The following CDH18 variants were observed in gnomAD, a reference collection of about 807,000 sequenced individuals.
The protein encoded by CDH18 is cadherin-18.
CDH18 carries 31 observed loss-of-function variants against 67.9 expected under a neutral mutation model. The ratio of observed to expected loss-of-function variants is 0.46; its 90% CI spans 0.34 to 0.62. CDH18 has a LOEUF of 0.62. CDH18 is among the 20% of genes least tolerant of loss of function. The pLI, the probability that CDH18 is intolerant of heterozygous loss-of-function variation, is 0.01. For missense variants in CDH18, 890 were observed against 975.5 expected (o/e 0.91, Z 1.17); for synonymous variants, 362 against 347.2 (o/e 1.04, Z -0.48).
At chr5:20,144,066 T>C (rs1294229596) in intron 2 of CDH18, among the ~76,000 whole-genome samples, 1 of 152,078 alleles carries the variant, frequency 6.6e-6, no homozygotes, top group Admixed American at 6.6e-5. Flanking sequence ...CCTGGACTGA[T>C]AAAGACATAG....
At chr5:20,407,723 T>A (rs1166371449) in intron 1 of CDH18, among the ~76,000 whole-genome samples, 2 of 37,488 alleles carry the variant, frequency 5.3e-5, no homozygotes, top group African/African-American at 1.4e-4. Flanking sequence ...AAAAAAATAA[T>A]TTTTTTTTTT....
At chr5:19,553,818 G>C (rs1422247736) in intron 8 of CDH18, among the ~76,000 whole-genome samples, 1 of 151,724 alleles carries the variant, frequency 6.6e-6, no homozygotes, top group Non-Finnish European at 1.5e-5. Flanking sequence ...TTTGCTTGTA[G>C]AGACAGTGTT....
intron 11 of CDH18, among the ~76,000 whole-genome samples, chr5:19,489,456 CCAGG>C (rs1740993413): frequency 6.6e-6 from 1 of 151,886 alleles, no homozygotes; most frequent in Non-Finnish European, 1.5e-5. Flanking sequence ...ACCATGTTGG[CCAGG>C]CTGGTCTCAA....
intron 5 of CDH18, among the ~76,000 whole-genome samples, chr5:19,642,527 T>C (rs1460640846): frequency 1.3e-5 from 2 of 152,048 alleles, no homozygotes; most frequent in Middle Eastern, 6.3e-3. Flanking sequence ...AATTCAGTGA[T>C]CTACGGCTAT....
At chr5:19,812,646 G>GA (rs1778856267) in intron 3 of CDH18, among the ~76,000 whole-genome samples, 1 of 150,270 alleles carries the variant, frequency 6.7e-6, no homozygotes, top group Non-Finnish European at 1.5e-5. Context: ...TTGTTAAGCA[G>GA]AAAAAACAAA....
At chr5:20,066,001 A>G (rs1165901664) in intron 2 of CDH18, among the ~76,000 whole-genome samples, 1 of 152,054 alleles carries the variant, frequency 6.6e-6, no homozygotes, top group Non-Finnish European at 1.5e-5. Flanking sequence ...TATTGATGAC[A>G]TTTTCAAATT....
chr5:19,715,638 G>C (rs917918293), intron 5 of CDH18, among the ~76,000 whole-genome samples: 8 of 152,014 alleles, frequency 5.3e-5, no homozygotes, highest in Admixed American at 2.0e-4. Context: ...TGTTTGGAAA[G>C]AATTTAATCG....
intron 2 of CDH18, among the ~76,000 whole-genome samples, chr5:20,185,979 G>A (rs2126700668): frequency 6.6e-6 from 1 of 152,062 alleles, no homozygotes; most frequent in East Asian, 1.9e-4. Flanking sequence ...GTGAAGGGGA[G>A]AAGAGGAAAA....
intron 2 of CDH18, among the ~76,000 whole-genome samples, chr5:20,028,103 A>G (rs902720543): frequency 1.4e-5 from 2 of 144,456 alleles, no homozygotes; most frequent in Non-Finnish European, 3.1e-5. Context: ...ACAACTTTCT[A>G]TTTTTTTTTT....
At chr5:20,409,165 C>A (rs4432887) in intron 1 of CDH18, among the ~76,000 whole-genome samples, 2 of 151,638 alleles carry the variant, frequency 1.3e-5, no homozygotes, top group Non-Finnish European at 3.0e-5. Context: ...CACTATAGAG[C>A]GAATGAACCT....
At chr5:19,776,249 G>A (rs1395837709) in intron 3 of CDH18, among the ~76,000 whole-genome samples, 2 of 152,122 alleles carry the variant, frequency 1.3e-5, no homozygotes, top group African/African-American at 2.4e-5. Flanking sequence ...ATCTAAGGAG[G>A]ACAAATGCAC....
chr5:20,011,040 C>T (rs1022922117), intron 2 of CDH18, among the ~76,000 whole-genome samples: 5 of 152,280 alleles, frequency 3.3e-5, no homozygotes, highest in Admixed American at 6.5e-5. Flanking sequence ...TCACAAATAG[C>T]GTTTCAATTC....
chr5:19,845,432 G>A (rs539870646), intron 2 of CDH18, among the ~76,000 whole-genome samples: 5 of 152,150 alleles, frequency 3.3e-5, no homozygotes, highest in Non-Finnish European at 5.9e-5. Context: ...GGCCCAACAC[G>A]TGATCTATCC....
At chr5:19,647,135 G>A (rs1182838555) in intron 5 of CDH18, among the ~76,000 whole-genome samples, 3 of 151,880 alleles carry the variant, frequency 2.0e-5, no homozygotes, top group African/African-American at 7.3e-5. Flanking sequence ...CTGACTTAAG[G>A]TTAAAAAAAT....
intron 5 of CDH18, among the ~76,000 whole-genome samples, chr5:19,711,396 T>TACAACAACAACA (rs112963492): frequency 6.6e-6 from 1 of 150,638 alleles, no homozygotes; most frequent in African/African-American, 2.4e-5. Flanking sequence ...ACTCATAAAC[T>TACAACAACAACA]ACAACAACAA....
At chr5:20,507,006 C>A (rs906629) in intron 1 of CDH18, among the ~76,000 whole-genome samples, 72,526 of 151,906 alleles carry the variant, frequency 0.48, 17,527 homozygotes, top group East Asian at 0.56. Context: ...GTCATGCTGC[C>A]AGGAAATACA....
At chr5:20,180,743 C>G (rs1333354642) in intron 2 of CDH18, among the ~76,000 whole-genome samples, 1 of 152,244 alleles carries the variant, frequency 6.6e-6, no homozygotes, top group South Asian at 2.1e-4. Context: ...CAGTGACCCC[C>G]CTGGACCCAG....
At chr5:19,749,592 G>C (rs1770566615) in intron 3 of CDH18, among the ~76,000 whole-genome samples, 1 of 149,936 alleles carries the variant, frequency 6.7e-6, no homozygotes, top group Non-Finnish European at 1.5e-5. Flanking sequence ...TCTTATTACA[G>C]ATACTTAAGG....
Position 19,943,082 on chromosome 5 carries a change from T to C in CDH18, c.-257+37978A>G, listed in dbSNP as rs375601755. ...GAGACAGTTTTAGAAACAGTGATCATAATATAATAATTCCCAAAGTGTGTT... is the reference window on the plus strand; with the variant it reads ...GAGACAGTTTTAGAAACAGTGATCACAATATAATAATTCCCAAAGTGTGTT... On this transcript the variant is annotated intron_variant, in intron 2 of 12. Transcript: ENST00000382275. Among the ~76,000 whole-genome samples, 91 of 152,252 alleles carry C rather than the reference T, an allele frequency of 6.0e-4. No homozygotes were observed. The South Asian group carries it at 0.016, about 27-fold the overall frequency.
Sources: gnomAD v4.1 joint callset for allele counts (sites outside exome capture counted in the v4.1 genomes callset) on GRCh38, gnomAD v4.1.1 for gene constraint, MANE v1.5 for transcripts, NCBI Gene and HGNC (gene_info 2026-07-23, HGNC 2026-07-21) for gene names.